The following HAUS6 variants were observed in gnomAD, a reference collection of about 807,000 sequenced individuals.
HAUS6 encodes the protein HAUS augmin-like complex subunit 6.
HAUS6 carries 80 observed loss-of-function variants against 106.8 expected under a neutral mutation model. The observed-to-expected ratio is 0.75, with a 90% CI of 0.63 to 0.90. The LOEUF (loss-of-function observed/expected upper bound fraction) is 0.90. HAUS6 is among the 40% of genes least tolerant of loss of function. The probability of loss-of-function intolerance (pLI) is 0.00; values close to 1 mark genes in which losing one functional copy is unlikely to be tolerated. For synonymous variants in HAUS6, 356 were observed against 379.1 expected (o/e 0.94, Z 0.71); for missense variants, 1,155 against 1,118.1 (o/e 1.03, Z -0.47).
intron 2 of HAUS6, among the ~76,000 whole-genome samples, chr9:19,096,346 C>T (rs1817861392): frequency 6.6e-6 from 1 of 152,030 alleles, no homozygotes; most frequent in South Asian, 2.1e-4. Context: ...AGGTGGATCA[C>T]CTGAGGTCAG....
chr9:19,080,174 CAAAAAAAA>C (rs746423003), intron 9 of HAUS6, among the ~76,000 whole-genome samples: 4 of 37,570 alleles, frequency 1.1e-4, no homozygotes, highest in East Asian at 9.7e-4. Flanking sequence ...AACTCCGTCT[CAAAAAAAA>C]AAAAAAAAAA....
intron 12 of HAUS6, 32 bp from the exon 13 acceptor site, chr9:19,063,612 A>G (rs761562881): frequency 1.6e-5 from 23 of 1,437,646 alleles, no homozygotes; most frequent in Middle Eastern, 1.7e-4. Context: ...AATCCAAGTT[A>G]TAAGGAGAAA....
At chr9:19,090,233 CAG>C (rs141639041) in intron 4 of HAUS6, among the ~76,000 whole-genome samples, 5,286 of 152,202 alleles carry the variant, frequency 0.035, 112 homozygotes, top group Non-Finnish European at 0.051. Flanking sequence ...TAAAAATTTT[CAG>C]AGTGTATCCA....
At chr9:19,101,430 G>A (rs941617407) in intron 1 of HAUS6, among the ~76,000 whole-genome samples, 1 of 152,104 alleles carries the variant, frequency 6.6e-6, no homozygotes, top group Non-Finnish European at 1.5e-5. Context: ...GTTGGAGGCT[G>A]CAGTGAGCTG....
chr9:19,082,274 G>T (rs1256173511), intron 8 of HAUS6, among the ~76,000 whole-genome samples: 1 of 152,192 alleles, frequency 6.6e-6, no homozygotes, highest in Non-Finnish European at 1.5e-5. Flanking sequence ...GATCACTGTT[G>T]TTGCCTTTGA....
chr9:19,056,445 AG>A, intron 16 of HAUS6, 41 bp from the exon 17 acceptor site: 1 of 1,110,592 alleles, frequency 9.0e-7, no homozygotes, highest in African/African-American at 1.5e-5. Context: ...AACATTACAA[AG>A]AAAAATAAAC....
At chr9:19,097,876 T>A (rs1048063785) in intron 1 of HAUS6, among the ~76,000 whole-genome samples, 1 of 152,206 alleles carries the variant, frequency 6.6e-6, no homozygotes, top group Non-Finnish European at 1.5e-5. Context: ...GCATGAAATT[T>A]CCTTCCAAAA....
intron 11 of HAUS6, 115 bp from the exon 12 acceptor site, chr9:19,070,415 T>C (rs1836861063): frequency 3.1e-6 from 2 of 642,272 alleles, no homozygotes; most frequent in East Asian, 5.6e-5. Flanking sequence ...AAAACCAAAA[T>C]ATGAACACTA....
chr9:19,078,598 G>C (rs1488375265), intron 9 of HAUS6, among the ~76,000 whole-genome samples: 1 of 148,580 alleles, frequency 6.7e-6, no homozygotes, highest in East Asian at 2.1e-4. Flanking sequence ...GACCAGCCTG[G>C]CCAATGTGGT....
At position 19,058,437 on chromosome 9, in the gene HAUS6, T is replaced by C. The variant is rs755390338; in HGVS notation, c.2330A>G (p.His777Arg). 26 of 1,601,434 alleles carry C rather than the reference T, an allele frequency of 1.6e-5. No individual in the cohort carries two copies. Among genetic ancestry groups the C allele is most frequent in the Non-Finnish European group, 2.1e-5 (25 of 1,170,154 alleles). ...SFKDNDFGIL[H>R]ETLPEEVGHL... ...ACCAACTTCTTCCGGGAGAGTTTCG[T>C]GTAATATGCCAAAATCATTATCTTT... Residue 777 changes from histidine to arginine, a missense_variant, in exon 16 of 17, where the codon CAC becomes CGC. Physicochemically the swap from His to Arg is conservative, Grantham distance 29. Around this residue, in one of 3 missense-constraint regions of HAUS6, gnomAD observed 380 missense variants for 394.8 expected, o/e 0.96. Coordinates refer to ENST00000380502, the MANE Select transcript of HAUS6 (RefSeq NM_017645.5).
intron 4 of HAUS6, among the ~76,000 whole-genome samples, chr9:19,090,735 C>T (rs1436563599): frequency 6.6e-6 from 1 of 152,176 alleles, no homozygotes; most frequent in Non-Finnish European, 1.5e-5. Flanking sequence ...CCATTGCTGC[C>T]ATCAGTTTAC....
intron 1 of HAUS6, among the ~76,000 whole-genome samples, chr9:19,100,359 A>G (rs776444132): frequency 3.9e-5 from 6 of 152,208 alleles, no homozygotes; most frequent in Non-Finnish European, 8.8e-5. Flanking sequence ...GAGCCAGACT[A>G]TCTCAAAAAA....
chr9:19,074,410 TACAG>T (rs1333723111), intron 11 of HAUS6, among the ~76,000 whole-genome samples: 2 of 152,114 alleles, frequency 1.3e-5, no homozygotes, highest in African/African-American at 4.8e-5. Flanking sequence ...TAGCTAGGAC[TACAG>T]ACACACACCA....
intron 4 of HAUS6, among the ~76,000 whole-genome samples, chr9:19,092,252 T>C (rs1817766467): frequency 6.7e-6 from 1 of 150,362 alleles, no homozygotes; most frequent in Non-Finnish European, 1.5e-5. Context: ...AGCACAGGGG[T>C]TCAAGACCAG....
rs1554688188 is a variant in HAUS6 at position 19,063,971 on chromosome 9, T to TTTA, written c.1377-392_1377-391insTAA. ...TCTTTGTAGCAGATCCTTTATTTTA[T>TTTA]TTTTTTTTTTTTTGAGACGGAGTTT... On this transcript the variant is annotated intron_variant, in intron 12 of 16. Coordinates refer to ENST00000380502, the MANE Select transcript of HAUS6 (RefSeq NM_017645.5). Among the ~76,000 whole-genome samples the TTTA allele has an allele frequency of 3.6e-3, 209 of 58,430 alleles. 3 individuals are homozygous for TTTA. The South Asian group carries it at 0.039, about 11-fold the overall frequency. 38.3% of individuals were successfully genotyped at this position (58,430 alleles called of 152,430 possible).
chr9:19,093,838 C>T (rs1484491439), intron 3 of HAUS6, among the ~76,000 whole-genome samples: 1 of 152,060 alleles, frequency 6.6e-6, no homozygotes, highest in African/African-American at 2.4e-5. Flanking sequence ...CATTGCACTC[C>T]AGCCTGGGTG....
rs371074801 is a variant in HAUS6 at position 19,089,584 on chromosome 9, T to C, written c.437-25A>G. ...TCTACACAGAACACAAATAAGATTA[T>C]AGAAAACAGGCTGGTCTGATAGTAG... On this transcript the variant is annotated intron_variant, in intron 4 of 16. Coordinates refer to ENST00000380502, the MANE Select transcript of HAUS6 (RefSeq NM_017645.5). 2.0e-5 allele frequency: 31 copies of C among 1,583,670 alleles called. No individual in the cohort carries two copies. In the African/African-American group the frequency reaches 2.4e-4, roughly 12 times the overall value.
chr9:19,071,205 A>T (rs551642568), intron 11 of HAUS6, among the ~76,000 whole-genome samples: 402 of 152,364 alleles, frequency 2.6e-3, no homozygotes, highest in African/African-American at 9.2e-3. Flanking sequence ...ACTACTAAAT[A>T]CTAGACAGAC....
At chr9:19,065,198 A>G (rs1836734815) in intron 12 of HAUS6, 2 of 152,228 alleles carry the variant, frequency 1.3e-5, no homozygotes, top group Non-Finnish European at 1.5e-5. Flanking sequence ...AACTGGCAAC[A>G]TGCTATTAAA....
Sources: allele counts gnomAD v4.1 joint callset (sites outside exome capture counted in the v4.1 genomes callset), GRCh38; gene constraint gnomAD v4.1.1; regional missense constraint gnomAD v4.1.1; transcripts MANE v1.5; gene names NCBI Gene and HGNC (gene_info 2026-07-23, HGNC 2026-07-21).